COP1: variants seen among roughly 807,000 people sequenced by gnomAD.
COP1 encodes the protein E3 ubiquitin-protein ligase COP1.
COP1 carries 24 observed loss-of-function variants against 101.3 expected under a neutral mutation model. The observed-to-expected ratio is 0.24, with a 90% confidence interval of 0.17 to 0.33. COP1 has a LOEUF of 0.33. COP1 is among the 10% of genes least tolerant of loss of function. The probability of loss-of-function intolerance (pLI) is 1.00; values close to 1 mark genes in which losing one functional copy is unlikely to be tolerated. For synonymous variants in COP1, 347 were observed against 341.9 expected (o/e 1.01, Z -0.17); for missense variants, 663 against 906.2 (o/e 0.73, Z 3.45).
chr1:176,191,914 CA>C (rs959989483), intron 1 of COP1, among the ~76,000 whole-genome samples: 1 of 152,034 alleles, frequency 6.6e-6, no homozygotes, highest in African/African-American at 2.4e-5. Context: ...AGCATAGCGG[CA>C]ATCATTTTAG....
intron 15 of COP1, among the ~76,000 whole-genome samples, chr1:176,005,275 C>G (rs950130847): frequency 3.3e-5 from 5 of 152,034 alleles, no homozygotes; most frequent in Admixed American, 3.3e-4. Flanking sequence ...AGTGGTCTAT[C>G]AATTTTGTTG....
At chr1:176,171,562 C>G (rs574703076) in intron 3 of COP1, among the ~76,000 whole-genome samples, 3 of 152,276 alleles carry the variant, frequency 2.0e-5, no homozygotes, top group Middle Eastern at 3.4e-3. Flanking sequence ...CCTTTGCATT[C>G]ACACCTTGGC....
intron 18 of COP1, among the ~76,000 whole-genome samples, chr1:175,955,708 A>G (rs1650538391): frequency 6.6e-6 from 1 of 150,830 alleles, no homozygotes; most frequent in South Asian, 2.1e-4. Context: ...ATAAGCAAAT[A>G]GAATTTAAAA....
intron 3 of COP1, among the ~76,000 whole-genome samples, chr1:176,174,163 T>C (rs1181606569): frequency 6.6e-6 from 1 of 152,044 alleles, no homozygotes; most frequent in Non-Finnish European, 1.5e-5. Context: ...CTGAAAAATC[T>C]AGTAAACACC....
intron 18 of COP1, among the ~76,000 whole-genome samples, chr1:175,965,186 A>G (rs1036205399): frequency 6.6e-6 from 1 of 152,138 alleles, no homozygotes; most frequent in Non-Finnish European, 1.5e-5. Context: ...GTAGGAGGTC[A>G]TGGACTCTGT....
chr1:176,160,312 ATG>A (rs1360414067), intron 5 of COP1: 2 of 347,904 alleles, frequency 5.7e-6, no homozygotes, highest in Non-Finnish European at 1.1e-5. Context: ...CGAGTGCAGA[ATG>A]TGTAGGTTTG....
At chr1:176,187,297 TATATACATACAC>T (rs1405562636) in intron 1 of COP1, among the ~76,000 whole-genome samples, 2 of 152,090 alleles carry the variant, frequency 1.3e-5, no homozygotes, top group Non-Finnish European at 2.9e-5. Flanking sequence ...AGCTCATATA[TATATACATACAC>T]ACATATATAC....
intron 6 of COP1, among the ~76,000 whole-genome samples, chr1:176,145,444 TG>T (rs1290924609): frequency 6.6e-6 from 1 of 152,210 alleles, no homozygotes; most frequent in African/African-American, 2.4e-5. Flanking sequence ...AAAAATATTT[TG>T]GCATTATCTA....
At chr1:176,051,120 A>G (rs1452395753) in intron 11 of COP1, among the ~76,000 whole-genome samples, 1 of 152,224 alleles carries the variant, frequency 6.6e-6, no homozygotes, top group Non-Finnish European at 1.5e-5. Flanking sequence ...TACAGACAAT[A>G]TATGCAAATG....
chr1:176,149,086 A>G lies in COP1; in HGVS notation c.763-12T>C, dbSNP rs752588035. On this transcript the variant is annotated splice_polypyrimidine_tract_variant and intron_variant, in intron 5 of 19. Coordinates refer to ENST00000367669, the MANE Select transcript of COP1 (RefSeq NM_022457.7). ...GCTGCATGTGATTCCTACAATAGAA[A>G]ATTATAATTTTTCTTTTAAAAAATA... 2 of 1,530,138 alleles carry G rather than the reference A, an allele frequency of 1.3e-6. No homozygotes were observed. Among genetic ancestry groups the G allele is most frequent in the African/African-American group, 2.8e-5 (2 of 72,656 alleles). 94.8% of individuals were successfully genotyped at this position (1,530,138 alleles called of 1,614,324 possible).
intron 15 of COP1, among the ~76,000 whole-genome samples, chr1:175,995,421 C>T (rs1659881953): frequency 6.6e-6 from 1 of 152,042 alleles, no homozygotes; most frequent in African/African-American, 2.4e-5. Context: ...GAAATACAGA[C>T]ACAAAAAACC....
intron 10 of COP1, among the ~76,000 whole-genome samples, chr1:176,083,076 A>C (rs1005756528): frequency 6.6e-6 from 1 of 152,190 alleles, no homozygotes; most frequent in African/African-American, 2.4e-5. Context: ...ACGTATTATA[A>C]ATAAAACATG....
chr1:176,100,561 AAAAAAC>A (rs1411640419), intron 9 of COP1, among the ~76,000 whole-genome samples: 1 of 152,156 alleles, frequency 6.6e-6, no homozygotes, highest in African/African-American at 2.4e-5. Flanking sequence ...GCAGCTCAGA[AAAAAAC>A]AAAAGGGATG....
intron 9 of COP1, among the ~76,000 whole-genome samples, chr1:176,105,649 T>C (rs961762136): frequency 1.3e-5 from 2 of 152,206 alleles, no homozygotes; most frequent in Non-Finnish European, 2.9e-5. Flanking sequence ...CCTCAGCTTG[T>C]ATGGACTGAC....
chr1:176,078,672 G>A (rs1386465672), intron 11 of COP1, among the ~76,000 whole-genome samples: 1 of 151,090 alleles, frequency 6.6e-6, no homozygotes, highest in African/African-American at 2.4e-5. Context: ...AAGAGCTTCT[G>A]CATAGCAGAA....
At chr1:176,016,731 TC>T (rs1665719031) in intron 15 of COP1, among the ~76,000 whole-genome samples, 1 of 152,102 alleles carries the variant, frequency 6.6e-6, no homozygotes, top group Admixed American at 6.6e-5. Context: ...TATGAATGAC[TC>T]TTTTTTTAAA....
At chr1:176,053,790 T>C (rs1371700370) in intron 11 of COP1, among the ~76,000 whole-genome samples, 1 of 152,172 alleles carries the variant, frequency 6.6e-6, no homozygotes, top group Non-Finnish European at 1.5e-5. Flanking sequence ...CTTTCTTCTT[T>C]CCCAACATAA....
chr1:176,037,930 T>C (rs886778357), intron 14 of COP1, among the ~76,000 whole-genome samples: 1 of 152,162 alleles, frequency 6.6e-6, no homozygotes, highest in Non-Finnish European at 1.5e-5. Context: ...ACTGAAGTCC[T>C]TGCCAGTACA....
At chr1:176,059,339 A>G (rs1453060087) in intron 11 of COP1, among the ~76,000 whole-genome samples, 1 of 152,222 alleles carries the variant, frequency 6.6e-6, no homozygotes, top group Non-Finnish European at 1.5e-5. Flanking sequence ...TTATTATTTG[A>G]CCATCTCCTT....
Sources: gnomAD v4.1 joint callset for allele counts (sites outside exome capture counted in the v4.1 genomes callset) on GRCh38, gnomAD v4.1.1 for gene constraint, MANE v1.5 for transcripts, NCBI Gene and HGNC (gene_info 2026-07-23, HGNC 2026-07-21) for gene names.